WDPCP: variants seen among roughly 807,000 people sequenced by gnomAD.
WDPCP encodes the protein WD repeat containing planar cell polarity effector.
Under a neutral mutation model 93.1 loss-of-function variants are expected in WDPCP, and 71 were observed. The observed-to-expected ratio is 0.76, with a 90% confidence interval of 0.63 to 0.93. The LOEUF is 0.93. Among genes scored for constraint, WDPCP ranks in the 40% least tolerant of loss-of-function variants. WDPCP has a pLI of 0.00. For synonymous variants in WDPCP, 315 were observed against 315.0 expected, an observed-to-expected ratio of 1.00 and a Z score of 0.00; for missense variants, 844 against 887.4, an observed-to-expected ratio of 0.95 and a Z score of 0.62.
At position 63,821,683 on chromosome 2, in the gene WDPCP, C is replaced by T. The variant is rs567936679; in HGVS notation, n.222+5939G>A. ...CTAGTTAGGATGTGGTCACAACAGG[C>T]CGTCTATTGCTGTTTCCAATGTTTG... is the stretch of plus-strand genomic sequence containing the variant. On this transcript the variant is annotated intron_variant and non_coding_transcript_variant, in intron 1 of 4. Coordinates refer to the WDPCP transcript ENST00000467687. Among the ~76,000 whole-genome samples the T allele has an allele frequency of 5.9e-5, 9 of 152,164 alleles. No homozygotes were observed. The East Asian group carries it at 1.7e-3, about 29-fold the overall frequency.
At chr2:63,528,160 G>C (rs1318898648) in intron 1 of WDPCP, among the ~76,000 whole-genome samples, 1 of 152,122 alleles carries the variant, frequency 6.6e-6, no homozygotes, top group Admixed American at 6.5e-5. Flanking sequence ...CTCCCATTCT[G>C]TAGGTTGCCT....
At chr2:63,182,561 T>C (rs551794097) in intron 14 of WDPCP, among the ~76,000 whole-genome samples, 63 of 152,168 alleles carry the variant, frequency 4.1e-4, no homozygotes, top group African/African-American at 1.5e-3. Flanking sequence ...TTGCTGCAGA[T>C]TTTTGCATCT....
Position 63,439,774 on chromosome 2 carries a change from G to C in WDPCP, c.482C>G (p.Ser161Ter). 6.2e-7 allele frequency: 1 copy of C among 1,613,122 alleles called. No homozygotes were observed. The highest frequency in any genetic ancestry group is 8.5e-7 in the Non-Finnish European group (1 of 1,179,296). Residue 161 changes from serine (S) to a stop codon, truncating the protein, a stop_gained, in exon 7 of 18, where the codon TCA becomes TGA. Transcript: ENST00000272321. LOFTEE classifies it high-confidence loss of function. ...GTAATTACCATCACTGATGGTGTCT[G>C]AGATGAGCTTCCCCACCAGGCTTCT... is the stretch of plus-strand genomic sequence containing the variant. Reference protein sequence around the residue: ...IDRSLVGKLISDTISDALLTD... With the variant: ...IDRSLVGKLI
intron 12 of WDPCP, among the ~76,000 whole-genome samples, chr2:63,363,996 T>C (rs1690694220): frequency 6.6e-6 from 1 of 152,146 alleles, no homozygotes; most frequent in South Asian, 2.1e-4. Context: ...ACTATGATCA[T>C]GCCTGTGAAT....
chr2:63,253,027 G>T (rs1680867255), intron 14 of WDPCP, among the ~76,000 whole-genome samples: 1 of 152,170 alleles, frequency 6.6e-6, no homozygotes, highest in African/African-American at 2.4e-5. Context: ...CTACAAGTCT[G>T]CAGTAACCAA....
At chr2:63,517,513 C>A (rs1417384346) in intron 1 of WDPCP, among the ~76,000 whole-genome samples, 1 of 152,238 alleles carries the variant, frequency 6.6e-6, no homozygotes, top group African/African-American at 2.4e-5. Flanking sequence ...AACATTTTTT[C>A]TAGCAGAACA....
intron 10 of WDPCP, among the ~76,000 whole-genome samples, chr2:63,391,782 A>AAAGAGAAG (rs1693274385): frequency 6.6e-6 from 1 of 152,196 alleles, no homozygotes; most frequent in Non-Finnish European, 1.5e-5. Context: ...CCTCCCATTC[A>AAAGAGAAG]AAACTGCTAC....
chr2:63,595,606 A>T, intron 3 of WDPCP: 1 of 778,520 alleles, frequency 1.3e-6, no homozygotes, highest in Non-Finnish European at 2.2e-6. Flanking sequence ...GCTCTCAATT[A>T]GAAATTATTT....
chr2:63,431,247 C>T (rs1436598615), intron 9 of WDPCP, among the ~76,000 whole-genome samples: 1 of 151,958 alleles, frequency 6.6e-6, no homozygotes, highest in Non-Finnish European at 1.5e-5. Context: ...TACTGATACT[C>T]CCTCCCCTCC....
chr2:63,453,984 A>C (rs1412509353), intron 6 of WDPCP, among the ~76,000 whole-genome samples: 1 of 150,456 alleles, frequency 6.6e-6, no homozygotes, highest in Non-Finnish European at 1.5e-5. Context: ...TAGGGATAGC[A>C]TTAGGAGATA....
In WDPCP at chr2:63,497,399, T is replaced by C. The variant is rs559767784; in HGVS notation, c.76-4459A>G. Among the ~76,000 whole-genome samples the C allele has an allele frequency of 4.6e-5, 7 of 152,288 alleles. No individual in the cohort carries two copies. In the South Asian group the frequency reaches 1.4e-3, roughly 32 times the overall value. On this transcript the variant is annotated intron_variant, in intron 1 of 17. Transcript: ENST00000272321. The stretch of plus-strand genomic sequence containing the variant: ...AAACTCTTGTGGATTCCCCAAGATC[T>C]GTGTGATTAAGGAGGGGGCTTTGCA...
At chr2:63,156,881 A>C (rs1286260011) in intron 15 of WDPCP, among the ~76,000 whole-genome samples, 1 of 152,204 alleles carries the variant, frequency 6.6e-6, no homozygotes, top group Non-Finnish European at 1.5e-5. Context: ...ACAGTGTTCC[A>C]TAAGAGTGGT....
chr2:63,156,654 C>A (rs1212636420), intron 15 of WDPCP, among the ~76,000 whole-genome samples: 2 of 152,108 alleles, frequency 1.3e-5, no homozygotes, highest in Non-Finnish European at 2.9e-5. Context: ...AGGGGAATTG[C>A]TTGAACCAGG....
At chr2:63,215,436 C>G (rs1677237462) in intron 14 of WDPCP, among the ~76,000 whole-genome samples, 1 of 152,152 alleles carries the variant, frequency 6.6e-6, no homozygotes, top group Non-Finnish European at 1.5e-5. Context: ...TTTGACAAAC[C>G]TGACAAAAAC....
At chr2:63,197,811 C>T (rs999964041) in intron 14 of WDPCP, among the ~76,000 whole-genome samples, 17 of 152,224 alleles carry the variant, frequency 1.1e-4, no homozygotes. Context: ...TTTTCTACCA[C>T]ATCTTACCTA....
intron 1 of WDPCP, among the ~76,000 whole-genome samples, chr2:63,506,585 G>A (rs894827406): frequency 1.3e-5 from 2 of 152,070 alleles, no homozygotes; most frequent in Non-Finnish European, 2.9e-5. Context: ...CGGGGTGGAG[G>A]AAGTCAAAAA....
intron 10 of WDPCP, among the ~76,000 whole-genome samples, chr2:63,386,822 G>T (rs1034520785): frequency 6.6e-6 from 1 of 151,586 alleles, no homozygotes; most frequent in South Asian, 2.1e-4. Context: ...CTGTGGCACA[G>T]AAATACAAAA....
chr2:63,601,379 A>G (rs903049550), intron 3 of WDPCP, among the ~76,000 whole-genome samples: 1 of 152,182 alleles, frequency 6.6e-6, no homozygotes, highest in African/African-American at 2.4e-5. Flanking sequence ...GTATTTGCAA[A>G]CCAGTGCTGT....
intron 3 of WDPCP, among the ~76,000 whole-genome samples, chr2:63,621,875 TTC>T (rs1444595929): frequency 5.9e-5 from 3 of 51,074 alleles, no homozygotes; most frequent in Non-Finnish European, 1.0e-4. Context: ...ATATTCAACA[TTC>T]TTTTTTTTTT....
Sources: gnomAD v4.1 joint callset for allele counts (sites outside exome capture counted in the v4.1 genomes callset) on GRCh38, gnomAD v4.1.1 for gene constraint, MANE v1.5 for transcripts, NCBI Gene and HGNC (gene_info 2026-07-23, HGNC 2026-07-21) for gene names.